Variants in ASIC2 observed in about 807,000 individuals in gnomAD.
The protein encoded by ASIC2 is acid sensing ion channel subunit 2.
In ASIC2, 25 loss-of-function variants were observed where a neutral mutation model predicts 57.3. That is an observed-to-expected ratio of 0.44 (90% CI 0.32 to 0.61). The LOEUF (loss-of-function observed/expected upper bound fraction) is 0.61. Among genes scored for constraint, ASIC2 ranks in the 20% least tolerant of loss-of-function variants. The pLI is 0.06. For missense variants in ASIC2, 641 were observed against 738.1 expected, an observed-to-expected ratio of 0.87 and a Z score of 1.52; for synonymous variants, 319 against 307.5, an observed-to-expected ratio of 1.04 and a Z score of -0.39.
At chr17:33,969,643 A>C (rs1031837110) in intron 1 of ASIC2, among the ~76,000 whole-genome samples, 2 of 152,206 alleles carry the variant, frequency 1.3e-5, no homozygotes, top group Non-Finnish European at 2.9e-5. Context: ...CATGCTGCAG[A>C]GTTGTCTCAC....
chr17:34,038,576 T>A (rs987799697), intron 1 of ASIC2: 1 of 1,608,684 alleles, frequency 6.2e-7, no homozygotes, highest in African/African-American at 1.3e-5. Flanking sequence ...TAGCGTTGGA[T>A]GATATTTAAA....
At chr17:33,684,933 T>A (rs1365138634) in intron 1 of ASIC2, among the ~76,000 whole-genome samples, 1 of 152,220 alleles carries the variant, frequency 6.6e-6, no homozygotes, top group East Asian at 1.9e-4. Context: ...CCAGATATTA[T>A]GCGGAAGTCT....
chr17:33,261,928 T>A (rs4795758), intron 1 of ASIC2, among the ~76,000 whole-genome samples: 1 of 152,048 alleles, frequency 6.6e-6, no homozygotes, highest in African/African-American at 2.4e-5. Context: ...TGCCGTGGCC[T>A]CTTGCTGTCA....
chr17:33,370,303 AC>A (rs1167918076), intron 1 of ASIC2, among the ~76,000 whole-genome samples: 1 of 152,174 alleles, frequency 6.6e-6, no homozygotes, highest in Non-Finnish European at 1.5e-5. Context: ...ATCAAAGAAC[AC>A]CACCCCCAAC....
chr17:33,132,101 G>A (rs2092348434), intron 1 of ASIC2, among the ~76,000 whole-genome samples: 1 of 152,198 alleles, frequency 6.6e-6, no homozygotes, highest in South Asian at 2.1e-4. Context: ...TGCCTAGCCT[G>A]ACCTGGGCCA....
intron 1 of ASIC2, among the ~76,000 whole-genome samples, chr17:33,539,376 C>T (rs1915335171): frequency 6.6e-6 from 1 of 152,242 alleles, no homozygotes; most frequent in South Asian, 2.1e-4. Context: ...GGTGCTAGCA[C>T]CTTCCATGCT....
At chr17:33,575,882 G>T (rs921135295) in intron 1 of ASIC2, among the ~76,000 whole-genome samples, 1 of 152,158 alleles carries the variant, frequency 6.6e-6, no homozygotes, top group Non-Finnish European at 1.5e-5. Flanking sequence ...ACGCCCCACA[G>T]CTAATGGCTC....
intron 1 of ASIC2, among the ~76,000 whole-genome samples, chr17:34,022,348 C>T (rs1567791109): frequency 6.6e-6 from 1 of 152,152 alleles, no homozygotes; most frequent in Non-Finnish European, 1.5e-5. Flanking sequence ...TGGCTGTTCC[C>T]AGGGTACGGT....
intron 2 of ASIC2, among the ~76,000 whole-genome samples, chr17:33,109,414 C>A (rs529168816): frequency 6.6e-6 from 1 of 152,226 alleles, no homozygotes; most frequent in Middle Eastern, 3.4e-3. Context: ...GTTTCTTCTG[C>A]CCCATCCATC....
chr17:33,667,947 C>T (rs942891776), intron 1 of ASIC2, among the ~76,000 whole-genome samples: 5 of 152,190 alleles, frequency 3.3e-5, no homozygotes, highest in Non-Finnish European at 5.9e-5. Context: ...CCAGAAAGTC[C>T]AGGCCTGCTC....
At chr17:33,336,604 G>A (rs559782044) in intron 1 of ASIC2, among the ~76,000 whole-genome samples, 9 of 152,274 alleles carry the variant, frequency 5.9e-5, no homozygotes, top group East Asian at 3.9e-4. Context: ...GGAGGGTATC[G>A]TTTAGTCCCA....
intron 1 of ASIC2, among the ~76,000 whole-genome samples, chr17:33,884,109 C>T (rs562572393): frequency 6.1e-4 from 93 of 152,316 alleles, no homozygotes; most frequent in African/African-American, 1.9e-3. Flanking sequence ...TCTCTGTGTC[C>T]GGCGCTGGGT....
chr17:33,538,686 G>T (rs920602863), intron 1 of ASIC2, among the ~76,000 whole-genome samples: 1 of 152,128 alleles, frequency 6.6e-6, no homozygotes, highest in African/African-American at 2.4e-5. Context: ...TCCCCTCTTT[G>T]TATATCCACA....
intron 1 of ASIC2, among the ~76,000 whole-genome samples, chr17:33,176,088 C>T (rs1160579408): frequency 1.3e-5 from 2 of 152,148 alleles, no homozygotes; most frequent in African/African-American, 2.4e-5. Flanking sequence ...TCCTTCATTT[C>T]CCCTTCTCTA....
At chr17:33,316,111 G>A (rs1045811969) in intron 1 of ASIC2, among the ~76,000 whole-genome samples, 2 of 152,188 alleles carry the variant, frequency 1.3e-5, no homozygotes, top group African/African-American at 4.8e-5. Flanking sequence ...TGCTAGAAAT[G>A]TAACCTCATG....
chr17:33,161,014 C>T (rs1279973468), intron 1 of ASIC2, among the ~76,000 whole-genome samples: 1 of 152,202 alleles, frequency 6.6e-6, no homozygotes, highest in Non-Finnish European at 1.5e-5. Context: ...TGGAGCTGGG[C>T]TGTTGCAGCA....
At chr17:33,784,472 C>T (rs943634105) in intron 1 of ASIC2, among the ~76,000 whole-genome samples, 25 of 152,124 alleles carry the variant, frequency 1.6e-4, no homozygotes, top group Admixed American at 1.6e-3. Flanking sequence ...CTAGGCAATG[C>T]TGTTCAATAG....
chr17:33,020,109 T>C (rs1392541966), intron 7 of ASIC2, among the ~76,000 whole-genome samples: 1 of 152,044 alleles, frequency 6.6e-6, no homozygotes, highest in African/African-American at 2.4e-5. Flanking sequence ...GACCGAGCTA[T>C]GGTGGGGAGT....
intron 1 of ASIC2, among the ~76,000 whole-genome samples, chr17:33,664,554 T>A (rs1231562169): frequency 6.6e-6 from 1 of 152,190 alleles, no homozygotes; most frequent in Admixed American, 6.5e-5. Flanking sequence ...AAGCCTCACA[T>A]ATTTCATATA....
Sources: allele counts gnomAD v4.1 joint callset (sites outside exome capture counted in the v4.1 genomes callset), GRCh38; gene constraint gnomAD v4.1.1; transcripts MANE v1.5; gene names NCBI Gene and HGNC (gene_info 2026-07-23, HGNC 2026-07-21).